NDE1: variants seen among roughly 807,000 people sequenced by gnomAD.
NDE1 encodes the protein nudE neurodevelopment protein 1, also known as nuclear distribution protein nudE homolog 1.
NDE1 carries 28 observed loss-of-function variants against 43.4 expected under a neutral mutation model. The observed-to-expected ratio is 0.65, with a 90% CI of 0.48 to 0.89. NDE1 has a LOEUF of 0.89. NDE1 is among the 40% of genes least tolerant of loss of function. The probability of loss-of-function intolerance (pLI) is 0.00; values close to 1 mark genes in which losing one functional copy is unlikely to be tolerated. For missense variants in NDE1, 441 were observed against 434.1 expected (o/e 1.02, Z -0.14); for synonymous variants, 184 against 172.0 (o/e 1.07, Z -0.55).
intron 2 of NDE1, among the ~76,000 whole-genome samples, chr16:15,666,487 T>G (rs962673906): frequency 6.6e-6 from 1 of 152,154 alleles, no homozygotes; most frequent in Non-Finnish European, 1.5e-5. Flanking sequence ...CATGTTCTTA[T>G]AGTCTCAGCT....
rs1191279805 is a variant in NDE1 at position 15,724,288 on chromosome 16, G to T, written c.*37G>T. On this transcript the variant is annotated 3_prime_UTR_variant, in exon 9 of 9. Coordinates refer to ENST00000396354, the MANE Select transcript of NDE1 (RefSeq NM_017668.3). ...GGTCTTTTCCAGTTTATCATAAGCG[G>T]CCGCCTTCTCCTCGTACTGCTGGGT... 1 of 1,614,150 alleles carries T rather than the reference G, an allele frequency of 6.2e-7. No individual in the cohort carries two copies. Among genetic ancestry groups the T allele is most frequent in the Non-Finnish European group, 8.5e-7 (1 of 1,180,024 alleles).
intron 8 of NDE1, among the ~76,000 whole-genome samples, chr16:15,699,314 C>T (rs1280984474): frequency 6.6e-6 from 1 of 150,916 alleles, no homozygotes; most frequent in African/African-American, 2.4e-5. Flanking sequence ...GGCTAGACTG[C>T]GGTGGTGTGA....
At position 15,685,953 on chromosome 16, in the gene NDE1, ATTTTT is replaced by A. The variant is rs112767652; in HGVS notation, c.387-1410_387-1406del. Among the ~76,000 whole-genome samples, 6 of 138,386 alleles carry A rather than the reference ATTTTT, an allele frequency of 4.3e-5. No homozygotes were observed. The East Asian group carries it at 1.1e-3, about 24-fold the overall frequency. The allele number at this position is 138,386 out of a possible 152,430, so 90.8% of individuals were successfully genotyped here. On this transcript the variant is annotated intron_variant, in intron 4 of 8. Transcript: ENST00000396354. ...ACATCTGTTGTGTGCTTCCTGTAGG[ATTTTT>A]TTTTTTTTTTTGGGAAACATTCTTA... is the stretch of plus-strand genomic sequence containing the variant.
At chr16:15,659,425 CTTTTTT>C (rs35091023) in intron 1 of NDE1, among the ~76,000 whole-genome samples, 10 of 58,908 alleles carry the variant, frequency 1.7e-4, no homozygotes, top group South Asian at 1.5e-3. Flanking sequence ...TGCACACAAT[CTTTTTT>C]TTTTTTTTTT....
chr16:15,681,263 T>C (rs896594991), intron 4 of NDE1, among the ~76,000 whole-genome samples: 7 of 85,032 alleles, frequency 8.2e-5, no homozygotes, highest in African/African-American at 3.0e-4. Flanking sequence ...CTTTTTTTTT[T>C]TTTTTTTTTT....
rs748823178 is a variant in NDE1 at position 15,725,746 on chromosome 16, T to C, written c.*1495T>C. The C allele has an allele frequency of 7.5e-6, 3 of 398,726 alleles. No homozygotes were observed. The highest frequency in any genetic ancestry group is 7.1e-5 in the East Asian group (2 of 28,084). The allele number at this position is 398,726 out of a possible 1,614,324, so 24.7% of individuals were successfully genotyped here. ...GACATGTTAAACATTTGTGAAAACT[T>C]TGGCCACGTCCCCATGAGTGGCAAG... is the stretch of plus-strand genomic sequence containing the variant. On this transcript the variant is annotated 3_prime_UTR_variant, in exon 9 of 9. Transcript: ENST00000396354.
chr16:15,654,612 A>C (rs1468856533), intron 1 of NDE1, among the ~76,000 whole-genome samples: 4 of 149,044 alleles, frequency 2.7e-5, no homozygotes, highest in South Asian at 2.1e-4. Flanking sequence ...CAAAAAAAAA[A>C]AAAACAAAAA....
At chr16:15,701,692 G>A (rs1183195488) in intron 8 of NDE1, 1 of 152,152 alleles carries the variant, frequency 6.6e-6, no homozygotes, top group African/African-American at 2.4e-5. Flanking sequence ...ACTAATTTCT[G>A]GAGTGTGCCT....
At chr16:15,685,783 T>C (rs1420748219) in intron 4 of NDE1, among the ~76,000 whole-genome samples, 1 of 152,122 alleles carries the variant, frequency 6.6e-6, no homozygotes, top group Non-Finnish European at 1.5e-5. Context: ...GAGGAGGAGC[T>C]GGGTGTTAAC....
At chr16:15,652,980 C>T (rs2036578500) in intron 1 of NDE1, among the ~76,000 whole-genome samples, 1 of 152,132 alleles carries the variant, frequency 6.6e-6, no homozygotes, top group Admixed American at 6.5e-5. Context: ...TTTAAAATCT[C>T]TAAAGCGATC....
At chr16:15,692,019 T>C (rs941622713) in intron 6 of NDE1, among the ~76,000 whole-genome samples, 13 of 152,092 alleles carry the variant, frequency 8.5e-5, no homozygotes, top group African/African-American at 2.9e-4. Context: ...GTGGGTTTAG[T>C]AATACATCCA....
chr16:15,656,430 C>T (rs1353622717), intron 1 of NDE1, among the ~76,000 whole-genome samples: 1 of 152,172 alleles, frequency 6.6e-6, no homozygotes, highest in Non-Finnish European at 1.5e-5. Flanking sequence ...GACGCACCTC[C>T]TAAAGCATCT....
intron 1 of NDE1, chr16:15,651,720 G>C (rs548985513): frequency 6.6e-6 from 1 of 151,594 alleles, no homozygotes; most frequent in South Asian, 2.1e-4. Context: ...GATTACAGGC[G>C]TGAGCCACCG....
intron 1 of NDE1, among the ~76,000 whole-genome samples, chr16:15,661,673 G>A (rs557198103): frequency 6.6e-6 from 1 of 151,670 alleles, no homozygotes; most frequent in Non-Finnish European, 1.5e-5. Flanking sequence ...GGAACTCCTG[G>A]GCTCAAGCAT....
chr16:15,681,093 GT>G (rs367826921), intron 4 of NDE1, among the ~76,000 whole-genome samples: 5 of 138,128 alleles, frequency 3.6e-5, no homozygotes, highest in African/African-American at 8.1e-5. Context: ...TGTGTTTTGT[GT>G]TTTTTTTGCA....
chr16:15,673,793 G>A (rs934588531), intron 3 of NDE1, among the ~76,000 whole-genome samples: 5 of 152,104 alleles, frequency 3.3e-5, no homozygotes, highest in African/African-American at 7.2e-5. Context: ...ATGAGGCACC[G>A]CACCTGGCTC....
chr16:15,655,446 C>T (rs2036713290), intron 1 of NDE1, among the ~76,000 whole-genome samples: 1 of 152,162 alleles, frequency 6.6e-6, no homozygotes, highest in African/African-American at 2.4e-5. Flanking sequence ...TGCCCGGCCT[C>T]TCTCTGACAT....
rs548656540 is a variant in NDE1 at position 15,691,001 on chromosome 16, T to C, written c.524-143T>C. 7 of 908,330 alleles carry C rather than the reference T, an allele frequency of 7.7e-6. No homozygotes were observed. In the African/African-American group the frequency reaches 9.9e-5, roughly 13 times the overall value. The allele number at this position is 908,330 out of a possible 1,614,324, so 56.3% of individuals were successfully genotyped here. The stretch of plus-strand genomic sequence containing the variant: ...TTTTGTATTTTCAATAGAGATGAGG[T>C]TTCACCATGTTGGTCAGGCTGGTCT... On this transcript the variant is annotated intron_variant, in intron 5 of 8. Coordinates refer to ENST00000396354, the MANE Select transcript of NDE1 (RefSeq NM_017668.3).
At chr16:15,686,487 G>C in intron 4 of NDE1, 1 of 985,360 alleles carries the variant, frequency 1.0e-6, no homozygotes, top group Middle Eastern at 5.2e-4. Context: ...AACTTCCACT[G>C]AGAGGTTAAA....
Sources: allele counts gnomAD v4.1 joint callset (sites outside exome capture counted in the v4.1 genomes callset), GRCh38; gene constraint gnomAD v4.1.1; transcripts MANE v1.5; gene names NCBI Gene and HGNC (gene_info 2026-07-23, HGNC 2026-07-21).